ZMYM4: variants seen among roughly 807,000 people sequenced by gnomAD.
The protein encoded by ZMYM4 is zinc finger MYM-type containing 4.
ZMYM4 carries 31 observed loss-of-function variants against 183.2 expected under a neutral mutation model. That is an observed-to-expected ratio of 0.17 (90% CI 0.13 to 0.23). ZMYM4 has a LOEUF of 0.23. Ranked by LOEUF, ZMYM4 falls within the 10% of genes least tolerant of loss-of-function variation. The pLI is 1.00. For synonymous variants in ZMYM4, 592 were observed against 631.2 expected (o/e 0.94, Z 0.93); for missense variants, 1,273 against 1,840.3 (o/e 0.69, Z 5.64).
chr1:35,283,789 A>G (rs1039786816), intron 1 of ZMYM4, among the ~76,000 whole-genome samples: 7 of 151,992 alleles, frequency 4.6e-5, no homozygotes, highest in Non-Finnish European at 1.0e-4. Flanking sequence ...GCACAAATTT[A>G]AGTCCTTTGT....
chr1:35,418,822 G>T (rs1293201127), intron 29 of ZMYM4, among the ~76,000 whole-genome samples: 1 of 152,122 alleles, frequency 6.6e-6, no homozygotes, highest in Non-Finnish European at 1.5e-5. Flanking sequence ...TACAACTGTT[G>T]TACAACCTTT....
chr1:35,342,720 G>C (rs1017951608), intron 2 of ZMYM4, among the ~76,000 whole-genome samples: 19 of 151,964 alleles, frequency 1.3e-4, no homozygotes, highest in African/African-American at 4.6e-4. Flanking sequence ...GCCCAGGATG[G>C]AGTGCAGTGG....
At chr1:35,370,890 A>T (rs1040567403) in intron 7 of ZMYM4, 12 of 327,588 alleles carry the variant, frequency 3.7e-5, no homozygotes, top group Non-Finnish European at 5.4e-5. Flanking sequence ...CATCCTTGTT[A>T]GTTGAAGTGC....
At chr1:35,349,014 G>T (rs567020631) in intron 2 of ZMYM4, among the ~76,000 whole-genome samples, 2 of 151,762 alleles carry the variant, frequency 1.3e-5, no homozygotes, top group Non-Finnish European at 2.9e-5. Context: ...CATTTTTTTT[G>T]AGATGGAGTC....
chr1:35,294,134 C>CAAA (rs566640178), intron 1 of ZMYM4, among the ~76,000 whole-genome samples: 3 of 127,006 alleles, frequency 2.4e-5, no homozygotes, highest in South Asian at 2.5e-4. Context: ...GACACTGTCT[C>CAAA]AAAAAAAAAA....
At chr1:35,315,097 T>C (rs1448938822) in intron 1 of ZMYM4, among the ~76,000 whole-genome samples, 1 of 149,414 alleles carries the variant, frequency 6.7e-6, no homozygotes, top group Admixed American at 6.6e-5. Flanking sequence ...TTTTTAAAGC[T>C]ATTTTCTCAG....
intron 1 of ZMYM4, among the ~76,000 whole-genome samples, chr1:35,306,142 A>G (rs760755045): frequency 5.9e-5 from 9 of 152,068 alleles, no homozygotes; most frequent in Non-Finnish European, 1.3e-4. Context: ...TTGTAGGTAG[A>G]TTGCATTTTT....
chr1:35,352,909 TTA>T (rs1172976202), intron 2 of ZMYM4, among the ~76,000 whole-genome samples: 1 of 152,200 alleles, frequency 6.6e-6, no homozygotes, highest in Admixed American at 6.5e-5. Context: ...AGTCCCAAAT[TTA>T]TGTCTCATTT....
At position 35,393,742 on chromosome 1, in the gene ZMYM4, A is replaced by G. The variant is rs1012187242; in HGVS notation, c.2911+3A>G. ...CCAAAACAAAGAATGCCAGACAGGT[A>G]TGTTCCTTGGTCTTTCTTTCTTTAT... On this transcript the variant is annotated splice_donor_region_variant and intron_variant, in intron 18 of 29. Transcript: ENST00000314607. The G allele has an allele frequency of 6.3e-7, 1 of 1,595,842 alleles. No homozygotes were observed. The highest frequency in any genetic ancestry group is 8.5e-7 in the Non-Finnish European group (1 of 1,172,258).
chr1:35,419,693 C>A lies in ZMYM4; in HGVS notation c.*16C>A. Reference sequence around the variant, plus strand: ...ATCAGATTAAAACGGAAGTGAGGTTCTTATTTTCATACATATTGGTATGCA... The same window carrying A: ...ATCAGATTAAAACGGAAGTGAGGTTATTATTTTCATACATATTGGTATGCA... On this transcript the variant is annotated 3_prime_UTR_variant, in exon 30 of 30. Transcript: ENST00000314607. The A allele has an allele frequency of 6.2e-7, 1 of 1,613,494 alleles. No homozygotes were observed.
At chr1:35,300,420 C>T (rs1641227862) in intron 1 of ZMYM4, among the ~76,000 whole-genome samples, 1 of 152,202 alleles carries the variant, frequency 6.6e-6, no homozygotes, top group Admixed American at 6.5e-5. Flanking sequence ...CAAACTTCTG[C>T]ACAGGGTTCA....
At position 35,350,804 on chromosome 1, in the gene ZMYM4, CTGAT is replaced by C. The variant is rs906575152; in HGVS notation, c.86-8119_86-8116del. ...TTTAGAAGATGACGAGAGGGTAAAA[CTGAT>C]TACTATGCTTGGAAACGCTTAGTGA... is the stretch of plus-strand genomic sequence containing the variant. On this transcript the variant is annotated intron_variant, in intron 2 of 29. Transcript: ENST00000314607. The C allele has an allele frequency of 7.9e-6, 4 of 506,782 alleles. No individual in the cohort carries two copies. In the Admixed American group the frequency reaches 1.1e-4, roughly 14 times the overall value. 31.4% of individuals were successfully genotyped at this position (506,782 alleles called of 1,614,324 possible).
chr1:35,391,622 T>C (rs751770251), intron 15 of ZMYM4, among the ~76,000 whole-genome samples: 3 of 152,210 alleles, frequency 2.0e-5, no homozygotes, highest in Non-Finnish European at 4.4e-5. Context: ...TAACCTGTGA[T>C]CTTCATTGGT....
At chr1:35,370,313 A>C (rs1644176940) in intron 6 of ZMYM4, 59 bp from the exon 7 acceptor site, 1 of 1,459,374 alleles carries the variant, frequency 6.9e-7, no homozygotes, top group Non-Finnish European at 9.0e-7. Flanking sequence ...ATTCATGGTA[A>C]AAAGTAAAAC....
intron 1 of ZMYM4, among the ~76,000 whole-genome samples, chr1:35,301,639 G>A (rs978235809): frequency 6.6e-6 from 1 of 151,734 alleles, no homozygotes; most frequent in African/African-American, 2.4e-5. Flanking sequence ...TGTTCTGCCC[G>A]CTTTTTTCTG....
chr1:35,273,945 G>C (rs1639741417), intron 1 of ZMYM4, among the ~76,000 whole-genome samples: 1 of 151,976 alleles, frequency 6.6e-6, no homozygotes, highest in African/African-American at 2.4e-5. Context: ...CACACATATA[G>C]ACAGTAGAAA....
Position 35,323,823 on chromosome 1 carries a change from G to T in ZMYM4, c.40-1537G>T, listed in dbSNP as rs546325263. Among the ~76,000 whole-genome samples the T allele has an allele frequency of 3.3e-5, 5 of 152,084 alleles. No homozygotes were observed. The East Asian group carries it at 9.7e-4, about 29-fold the overall frequency. ...CCCGTCTCGGCCTCCCAAAGTGCTG[G>T]GATTACAGGCGTGAGTCACCACACC... is the stretch of plus-strand genomic sequence containing the variant. On this transcript the variant is annotated intron_variant, in intron 1 of 29. Coordinates refer to ENST00000314607, the MANE Select transcript of ZMYM4 (RefSeq NM_005095.3).
chr1:35,335,630 T>C (rs559251151), intron 2 of ZMYM4, among the ~76,000 whole-genome samples: 1 of 152,250 alleles, frequency 6.6e-6, no homozygotes, highest in African/African-American at 2.4e-5. Context: ...ATTATATAAA[T>C]ATATAACTAT....
intron 1 of ZMYM4, among the ~76,000 whole-genome samples, chr1:35,284,198 G>A (rs1210852822): frequency 1.3e-5 from 2 of 151,360 alleles, no homozygotes; most frequent in South Asian, 2.1e-4. Context: ...GGATGGTCTC[G>A]ATCTCCTGAC....
Sources: gnomAD v4.1 joint callset for allele counts (sites outside exome capture counted in the v4.1 genomes callset) on GRCh38, gnomAD v4.1.1 for gene constraint, MANE v1.5 for transcripts, NCBI Gene and HGNC (gene_info 2026-07-23, HGNC 2026-07-21) for gene names.